The following SPAG16 variants were observed in gnomAD, a reference collection of about 807,000 sequenced individuals.
SPAG16 encodes sperm-associated antigen 16 protein.
Under a neutral mutation model 80.4 loss-of-function variants are expected in SPAG16, and 86 were observed. The observed-to-expected ratio is 1.07, with a 90% CI of 0.90 to 1.28. The LOEUF is 1.28. Among genes scored for constraint, SPAG16 ranks in the 50% most tolerant of loss-of-function variants. The pLI is 0.00. For synonymous variants in SPAG16, 294 were observed against 265.9 expected (o/e 1.11, Z -1.03); for missense variants, 870 against 765.3 (o/e 1.14, Z -1.61).
At chr2:213,537,315 T>C (rs921472221) in intron 10 of SPAG16, among the ~76,000 whole-genome samples, 7 of 151,798 alleles carry the variant, frequency 4.6e-5, no homozygotes, top group African/African-American at 1.7e-4. Flanking sequence ...AGTATAATAA[T>C]AATAAAATAA....
chr2:213,302,990 C>T (rs2062806073), intron 3 of SPAG16, among the ~76,000 whole-genome samples: 1 of 152,054 alleles, frequency 6.6e-6, no homozygotes, highest in South Asian at 2.1e-4. Flanking sequence ...CAACAATCAG[C>T]CTAAAATATC....
chr2:213,355,577 T>C (rs999534251), intron 7 of SPAG16, among the ~76,000 whole-genome samples: 2 of 152,140 alleles, frequency 1.3e-5, no homozygotes, highest in Non-Finnish European at 1.5e-5. Flanking sequence ...AGACGTCCTT[T>C]ACATCCCTTG....
intron 15 of SPAG16, among the ~76,000 whole-genome samples, chr2:214,409,634 G>C (rs960797312): frequency 5.3e-5 from 8 of 152,050 alleles, no homozygotes; most frequent in Non-Finnish European, 1.2e-4. Flanking sequence ...AATTTGTTGA[G>C]TTCATGAGTA....
chr2:213,775,492 C>A (rs1471349609), intron 10 of SPAG16, among the ~76,000 whole-genome samples: 3 of 152,132 alleles, frequency 2.0e-5, no homozygotes, highest in Non-Finnish European at 4.4e-5. Context: ...AACATAAGAT[C>A]TATCTACCCT....
intron 10 of SPAG16, among the ~76,000 whole-genome samples, chr2:213,679,349 A>G (rs922130674): frequency 6.6e-5 from 10 of 152,108 alleles, no homozygotes; most frequent in Non-Finnish European, 1.3e-4. Context: ...AATAATTACA[A>G]ATTTCTATTC....
intron 10 of SPAG16, among the ~76,000 whole-genome samples, chr2:213,742,665 T>C (rs1244697292): frequency 6.7e-6 from 1 of 149,484 alleles, no homozygotes; most frequent in Non-Finnish European, 1.5e-5. Flanking sequence ...AATTCTCCAG[T>C]CTCAGCTTCT....
chr2:213,367,013 C>T (rs2066334644), intron 8 of SPAG16, among the ~76,000 whole-genome samples: 1 of 152,142 alleles, frequency 6.6e-6, no homozygotes, highest in South Asian at 2.1e-4. Context: ...GTTCAATTCC[C>T]ACCTGTGAGT....
At chr2:213,289,173 G>C (rs2062172986) in intron 1 of SPAG16, among the ~76,000 whole-genome samples, 1 of 152,162 alleles carries the variant, frequency 6.6e-6, no homozygotes, top group Non-Finnish European at 1.5e-5. Context: ...GTTGCTGCTG[G>C]TCTAAGGACT....
At chr2:213,678,031 C>A (rs1385588563) in intron 10 of SPAG16, among the ~76,000 whole-genome samples, 1 of 151,626 alleles carries the variant, frequency 6.6e-6, no homozygotes, top group Non-Finnish European at 1.5e-5. Context: ...GGGTACATAA[C>A]GAAATGAAGG....
chr2:213,518,891 A>G (rs1023469589), intron 10 of SPAG16, among the ~76,000 whole-genome samples: 11 of 152,262 alleles, frequency 7.2e-5, no homozygotes, highest in Non-Finnish European at 1.2e-4. Flanking sequence ...CTATGCAGCC[A>G]TAAAAAGAAC....
intron 10 of SPAG16, among the ~76,000 whole-genome samples, chr2:213,649,761 T>C (rs2125142203): frequency 6.6e-6 from 1 of 152,190 alleles, no homozygotes. Flanking sequence ...AAATATTTTT[T>C]GTAAAGAAAG....
intron 9 of SPAG16, among the ~76,000 whole-genome samples, chr2:213,481,809 A>G (rs2073764170): frequency 6.6e-6 from 1 of 152,248 alleles, no homozygotes; most frequent in South Asian, 2.1e-4. Flanking sequence ...TTGGATCATT[A>G]TTCCCATTTC....
intron 15 of SPAG16, among the ~76,000 whole-genome samples, chr2:214,348,434 C>T (rs184894048): frequency 6.6e-4 from 101 of 152,252 alleles, no homozygotes; most frequent in African/African-American, 2.2e-3. Context: ...TCCTTTATAT[C>T]TTTGAGGGCT....
At chr2:214,202,630 G>A (rs541201007) in intron 15 of SPAG16, among the ~76,000 whole-genome samples, 5 of 152,236 alleles carry the variant, frequency 3.3e-5, no homozygotes, top group South Asian at 4.1e-4. Flanking sequence ...AAGTGATCAC[G>A]AAGCCACATG....
intron 10 of SPAG16, among the ~76,000 whole-genome samples, chr2:213,589,452 A>G (rs1268171620): frequency 1.3e-5 from 2 of 152,242 alleles, no homozygotes; most frequent in Non-Finnish European, 2.9e-5. Flanking sequence ...ATTTCTCCCA[A>G]TATTACACCT....
At chr2:214,060,390 A>G (rs1445730605) in intron 13 of SPAG16, among the ~76,000 whole-genome samples, 1 of 152,188 alleles carries the variant, frequency 6.6e-6, no homozygotes, top group East Asian at 1.9e-4. Context: ...TAAAACCTAA[A>G]GGATAAAATG....
chr2:213,623,785 C>T (rs1447339963), intron 10 of SPAG16, among the ~76,000 whole-genome samples: 1 of 151,806 alleles, frequency 6.6e-6, no homozygotes, highest in Non-Finnish European at 1.5e-5. Context: ...AATTATAATC[C>T]AAGACATACC....
At chr2:213,573,103 C>G (rs916752044) in intron 10 of SPAG16, among the ~76,000 whole-genome samples, 2 of 152,118 alleles carry the variant, frequency 1.3e-5, no homozygotes, top group African/African-American at 4.8e-5. Context: ...GGCTCACGCA[C>G]GGTGCGCGCA....
intron 12 of SPAG16, among the ~76,000 whole-genome samples, chr2:213,931,845 T>C (rs2078763234): frequency 6.6e-6 from 1 of 152,062 alleles, no homozygotes; most frequent in South Asian, 2.1e-4. Flanking sequence ...AAGGACAAAA[T>C]AAATTGTACT....
Sources: allele counts gnomAD v4.1 joint callset (sites outside exome capture counted in the v4.1 genomes callset), GRCh38; gene constraint gnomAD v4.1.1; transcripts MANE v1.5; gene names NCBI Gene and HGNC (gene_info 2026-07-23, HGNC 2026-07-21).